ROBO2: variants seen among roughly 807,000 people sequenced by gnomAD.
The protein encoded by ROBO2 is roundabout homolog 2.
Under a neutral mutation model 160.8 loss-of-function variants are expected in ROBO2, and 53 were observed. The observed-to-expected ratio is 0.33, with a 90% confidence interval of 0.26 to 0.41. ROBO2 has a LOEUF of 0.41. Ranked by LOEUF, ROBO2 falls within the 10% of genes least tolerant of loss-of-function variation. ROBO2 has a pLI of 1.00. For missense variants in ROBO2, 1,577 were observed against 1,722.4 expected, an observed-to-expected ratio of 0.92 and a Z score of 1.49; for synonymous variants, 664 against 611.7, an observed-to-expected ratio of 1.09 and a Z score of -1.26.
At chr3:77,175,466 G>A (rs1224304530) in intron 2 of ROBO2, among the ~76,000 whole-genome samples, 1 of 151,928 alleles carries the variant, frequency 6.6e-6, no homozygotes, top group African/African-American at 2.4e-5. Context: ...AATTTAATTG[G>A]CACACGATGA....
At chr3:77,306,570 G>T (rs1451688988) in intron 2 of ROBO2, among the ~76,000 whole-genome samples, 6 of 152,080 alleles carry the variant, frequency 3.9e-5, no homozygotes, top group African/African-American at 7.2e-5. Flanking sequence ...TCTTAAAGAG[G>T]TAAGTTCACT....
chr3:77,328,882 A>G (rs1249680627), intron 2 of ROBO2, among the ~76,000 whole-genome samples: 1 of 152,240 alleles, frequency 6.6e-6, no homozygotes, highest in African/African-American at 2.4e-5. Context: ...AAAATTTAAG[A>G]GCATATTTGA....
In ROBO2 at chr3:77,165,324, G is replaced by A. The variant is rs1579555253; in HGVS notation, c.388+66984G>A. Among the ~76,000 whole-genome samples, 3 of 148,248 alleles carry A rather than the reference G, an allele frequency of 2.0e-5. No homozygotes were observed. In the Middle Eastern group the frequency reaches 0.01, roughly 518 times the overall value. ...ACTCAGGGTTAAATGGATTAAGGGT[G>A]GTGCAAGATGTGCTTTGTTAAACAG... On this transcript the variant is annotated intron_variant, in intron 2 of 25. Coordinates refer to ENST00000461745, the Ensembl canonical transcript of ROBO2.
At chr3:76,595,069 A>G (rs954662426) in intron 2 of ROBO2, among the ~76,000 whole-genome samples, 10 of 151,958 alleles carry the variant, frequency 6.6e-5, no homozygotes, top group Admixed American at 6.6e-4. Context: ...TACATGGAGA[A>G]AACAGCCCTT....
At chr3:77,574,397 A>G (rs1446027079) in intron 13 of ROBO2, 102 bp from the exon 15 acceptor site, 1 of 926,476 alleles carries the variant, frequency 1.1e-6, no homozygotes, top group Non-Finnish European at 1.7e-6. Context: ...CTCAGTTGAT[A>G]GTTATGAGGA....
chr3:77,263,337 A>G (rs2058901625), intron 2 of ROBO2, among the ~76,000 whole-genome samples: 1 of 152,172 alleles, frequency 6.6e-6, no homozygotes, highest in South Asian at 2.1e-4. Flanking sequence ...TGTTGTACAG[A>G]TTATTTCATC....
chr3:76,451,223 G>A (rs969368092), intron 2 of ROBO2, among the ~76,000 whole-genome samples: 9 of 152,130 alleles, frequency 5.9e-5, no homozygotes, highest in Admixed American at 5.9e-4. Context: ...ATGAGAATGA[G>A]GTCTCCTTGT....
intron 2 of ROBO2, among the ~76,000 whole-genome samples, chr3:76,971,510 G>A (rs1234642948): frequency 6.6e-6 from 1 of 151,742 alleles, no homozygotes; most frequent in Non-Finnish European, 1.5e-5. Context: ...TGAAGAATAA[G>A]CATATGTATT....
At chr3:76,655,667 AAG>A (rs918915596) in intron 2 of ROBO2, among the ~76,000 whole-genome samples, 14 of 148,678 alleles carry the variant, frequency 9.4e-5, no homozygotes, top group Non-Finnish European at 2.1e-4. Context: ...GAAGAAAAAA[AAG>A]AAAGAAAGAG....
intron 2 of ROBO2, among the ~76,000 whole-genome samples, chr3:76,904,901 ACTT>A (rs779164278): frequency 1.8e-4 from 28 of 152,086 alleles, no homozygotes; most frequent in East Asian, 5.8e-4. Flanking sequence ...ATCCTTTAAT[ACTT>A]CTTCTTCTTT....
At chr3:77,048,219 T>A (rs1290344443) in intron 1 of ROBO2, among the ~76,000 whole-genome samples, 1 of 152,136 alleles carries the variant, frequency 6.6e-6, no homozygotes, top group East Asian at 1.9e-4. Context: ...GGACTACAAT[T>A]GGGGTGCATG....
intron 2 of ROBO2, among the ~76,000 whole-genome samples, chr3:76,160,081 C>T (rs936009719): frequency 8.5e-5 from 13 of 152,150 alleles, no homozygotes; most frequent in African/African-American, 2.9e-4. Flanking sequence ...AAAACACTCT[C>T]ATAATAAGCA....
intron 2 of ROBO2, among the ~76,000 whole-genome samples, chr3:77,263,116 C>T (rs9833290): frequency 0.5 from 75,511 of 151,816 alleles, 19,972 homozygotes; most frequent in Middle Eastern, 0.7. Context: ...ATTTGTAGAA[C>T]CATTAAGTCA....
chr3:77,341,377 C>G (rs2067039330), intron 2 of ROBO2, among the ~76,000 whole-genome samples: 1 of 152,126 alleles, frequency 6.6e-6, no homozygotes, highest in African/African-American at 2.4e-5. Context: ...CAAATCTTGA[C>G]TGTAGATTTA....
intron 2 of ROBO2, chr3:77,316,799 T>C: frequency 1.6e-6 from 2 of 1,289,676 alleles, no homozygotes; most frequent in Non-Finnish European, 2.3e-6. Flanking sequence ...CCACCAGCCT[T>C]GACGTTCTTG....
chr3:76,631,757 C>A (rs1278069280), intron 2 of ROBO2, among the ~76,000 whole-genome samples: 1 of 152,086 alleles, frequency 6.6e-6, no homozygotes, highest in Non-Finnish European at 1.5e-5. Context: ...TTAAACCTGG[C>A]TTCTTGGTCG....
intron 1 of ROBO2, among the ~76,000 whole-genome samples, chr3:77,089,169 G>A (rs2069773948): frequency 6.6e-6 from 1 of 152,222 alleles, no homozygotes; most frequent in African/African-American, 2.4e-5. Context: ...TAATATTTTA[G>A]ACTTCTAAAA....
intron 2 of ROBO2, among the ~76,000 whole-genome samples, chr3:77,359,662 C>G (rs1369339312): frequency 6.6e-6 from 1 of 151,940 alleles, no homozygotes; most frequent in South Asian, 2.1e-4. Context: ...TCTGAAATAC[C>G]ACCTTCTTTA....
intron 2 of ROBO2, among the ~76,000 whole-genome samples, chr3:76,549,832 A>T (rs987198505): frequency 1.4e-4 from 22 of 152,168 alleles, no homozygotes; most frequent in Non-Finnish European, 2.8e-4. Context: ...TTTATCTGGA[A>T]GCTTTCACAT....
Sources: gnomAD v4.1 joint callset for allele counts (sites outside exome capture counted in the v4.1 genomes callset) on GRCh38, gnomAD v4.1.1 for gene constraint, MANE v1.5 for transcripts, NCBI Gene and HGNC (gene_info 2026-07-23, HGNC 2026-07-21) for gene names.